Variants in STX8 observed in about 807,000 individuals in gnomAD.
STX8 encodes the protein syntaxin 8.
In STX8, 23 loss-of-function variants were observed where a neutral mutation model predicts 37.5. That is an observed-to-expected ratio of 0.61 (90% CI 0.44 to 0.87). STX8 has a LOEUF of 0.87. Among genes scored for constraint, STX8 ranks in the 40% least tolerant of loss-of-function variants. STX8 has a pLI of 0.00. For synonymous variants in STX8, 115 were observed against 99.1 expected, an observed-to-expected ratio of 1.16 and a Z score of -0.95; for missense variants, 313 against 284.7, an observed-to-expected ratio of 1.10 and a Z score of -0.71.
intron 7 of STX8, among the ~76,000 whole-genome samples, chr17:9,362,547 G>A (rs753771398): frequency 6.6e-5 from 10 of 151,768 alleles, no homozygotes; most frequent in Non-Finnish European, 1.3e-4. Flanking sequence ...GGCTGGGCGC[G>A]GTGGCTCACA....
In STX8 at chr17:9,510,464, G is replaced by A. The variant is rs77289796; in HGVS notation, c.324-5302C>T. On this transcript the variant is annotated intron_variant, in intron 4 of 7. Coordinates refer to ENST00000306357, the MANE Select transcript of STX8 (RefSeq NM_004853.3). ...ACAGTGGAAAATATCAATAACATGA[G>A]GAACATGCAAAATGATACAAACACA... Among the ~76,000 whole-genome samples the A allele has an allele frequency of 4.8e-3, 737 of 152,078 alleles. 3 individuals are homozygous for A. The highest frequency in any genetic ancestry group is 0.017 in the African/African-American group (692 of 41,488).
intron 3 of STX8, among the ~76,000 whole-genome samples, chr17:9,546,500 G>A (rs1226501283): frequency 9.0e-6 from 1 of 110,610 alleles, no homozygotes; most frequent in African/African-American, 3.4e-5. Flanking sequence ...AGCAAAAAGG[G>A]AAGTGGCGTC....
At chr17:9,479,934 G>A (rs1034680740) in intron 6 of STX8, among the ~76,000 whole-genome samples, 1 of 152,098 alleles carries the variant, frequency 6.6e-6, no homozygotes, top group Admixed American at 6.6e-5. Context: ...ACGCTCCTTT[G>A]CGTAAAGGCC....
chr17:9,543,604 C>T (rs1013956897), intron 4 of STX8, among the ~76,000 whole-genome samples: 32 of 152,278 alleles, frequency 2.1e-4, no homozygotes, highest in Admixed American at 2.0e-3. Flanking sequence ...TGCACCCAGG[C>T]GACAGTACTT....
chr17:9,277,030 C>T (rs1409515884), intron 7 of STX8, among the ~76,000 whole-genome samples: 1 of 151,880 alleles, frequency 6.6e-6, no homozygotes, highest in African/African-American at 2.4e-5. Context: ...ACACGACAAC[C>T]TTGAACTCTT....
chr17:9,278,413 C>T (rs1001826314), intron 7 of STX8, among the ~76,000 whole-genome samples: 14 of 151,740 alleles, frequency 9.2e-5, no homozygotes, highest in South Asian at 2.1e-4. Flanking sequence ...CACGCCATTT[C>T]ACTCCTGCCT....
At chr17:9,396,453 T>G in intron 6 of STX8, among the ~76,000 whole-genome samples, 1 of 151,294 alleles carries the variant, frequency 6.6e-6, no homozygotes, top group East Asian at 2.0e-4. Context: ...GAGGCTGAGG[T>G]GGGCGGGTCA....
At chr17:9,470,596 A>G (rs1309617276) in intron 6 of STX8, among the ~76,000 whole-genome samples, 2 of 152,214 alleles carry the variant, frequency 1.3e-5, no homozygotes, top group Admixed American at 6.5e-5. Context: ...GCATGCATCT[A>G]CTTTTCTCAG....
intron 7 of STX8, among the ~76,000 whole-genome samples, chr17:9,256,980 G>GC (rs1906821107): frequency 6.6e-6 from 1 of 152,194 alleles, no homozygotes; most frequent in Non-Finnish European, 1.5e-5. Context: ...AATGCTCTCT[G>GC]CCCCCAACCC....
chr17:9,359,933 C>T lies in STX8; in HGVS notation c.643+18619G>A, dbSNP rs1416741802. On this transcript the variant is annotated intron_variant, in intron 7 of 7. Coordinates refer to ENST00000306357, the MANE Select transcript of STX8 (RefSeq NM_004853.3). ...GGGAGCTTCAGAGAAGAGCCTCATT[C>T]TGTGCTTTGGGAGGGACAGAGGATT... Among the ~76,000 whole-genome samples, 3 of 151,980 alleles carry T rather than the reference C, an allele frequency of 2.0e-5. No homozygotes were observed. The East Asian group carries it at 5.8e-4, about 29-fold the overall frequency.
chr17:9,269,979 G>T (rs1193219272), intron 7 of STX8, among the ~76,000 whole-genome samples: 1 of 152,182 alleles, frequency 6.6e-6, no homozygotes, highest in East Asian at 1.9e-4. Context: ...ATGCGGTACA[G>T]AAATTAACAT....
chr17:9,340,526 A>G (rs1910312071), intron 7 of STX8, among the ~76,000 whole-genome samples: 1 of 152,176 alleles, frequency 6.6e-6, no homozygotes, highest in African/African-American at 2.4e-5. Flanking sequence ...AATTCACAGG[A>G]TGGAACATTC....
intron 7 of STX8, among the ~76,000 whole-genome samples, chr17:9,257,379 G>A (rs1048039857): frequency 1.3e-5 from 2 of 152,168 alleles, no homozygotes; most frequent in African/African-American, 2.4e-5. Context: ...CACTGGAAAC[G>A]AGCAAAATAC....
At chr17:9,311,496 C>T (rs966959107) in intron 7 of STX8, among the ~76,000 whole-genome samples, 5 of 152,158 alleles carry the variant, frequency 3.3e-5, no homozygotes, top group South Asian at 4.1e-4. Flanking sequence ...ATAATAATCA[C>T]ATTTATAGTT....
intron 6 of STX8, among the ~76,000 whole-genome samples, chr17:9,412,839 T>A (rs1913029627): frequency 6.6e-6 from 1 of 152,038 alleles, no homozygotes; most frequent in South Asian, 2.1e-4. Flanking sequence ...TAGAAGATGA[T>A]AAAAATAGGT....
At chr17:9,498,729 A>G (rs1904502914) in intron 5 of STX8, among the ~76,000 whole-genome samples, 1 of 152,206 alleles carries the variant, frequency 6.6e-6, no homozygotes, top group Admixed American at 6.5e-5. Flanking sequence ...ATTTCCTGCT[A>G]GAGTCTAGAA....
chr17:9,354,736 C>G (rs1276469951), intron 7 of STX8, among the ~76,000 whole-genome samples: 1 of 152,170 alleles, frequency 6.6e-6, no homozygotes, highest in East Asian at 1.9e-4. Context: ...TACTAAATCT[C>G]ATAACCTTCA....
chr17:9,568,951 G>A (rs980276576), intron 1 of STX8, among the ~76,000 whole-genome samples: 1 of 152,230 alleles, frequency 6.6e-6, no homozygotes, highest in African/African-American at 2.4e-5. Flanking sequence ...TATTTTGAAG[G>A]CTTCGTTAGT....
intron 7 of STX8, among the ~76,000 whole-genome samples, chr17:9,362,840 A>AAAATAAAT (rs1555601153): frequency 0.11 from 12,721 of 115,474 alleles, 1,672 homozygotes; most frequent in African/African-American, 0.33. Context: ...AAAAAAAAAA[A>AAAATAAAT]AAATAAATAA....
Sources: allele counts gnomAD v4.1 joint callset (sites outside exome capture counted in the v4.1 genomes callset), GRCh38; gene constraint gnomAD v4.1.1; transcripts MANE v1.5; gene names NCBI Gene and HGNC (gene_info 2026-07-23, HGNC 2026-07-21).